METTL15: variants seen among roughly 807,000 people sequenced by gnomAD.
The protein encoded by METTL15 is 12S rRNA N(4)-cytidine methyltransferase METTL15.
Under a neutral mutation model 38.3 loss-of-function variants are expected in METTL15, and 34 were observed. The observed-to-expected ratio is 0.89, with a 90% CI of 0.68 to 1.18. The LOEUF is 1.18. Ranked by LOEUF, METTL15 falls within the 50% of genes most tolerant of loss-of-function variation. The pLI is 0.00. For synonymous variants in METTL15, 162 were observed against 170.9 expected (o/e 0.95, Z 0.41); for missense variants, 438 against 498.4 (o/e 0.88, Z 1.15).
At chr11:28,483,335 T>G (rs1405185781) in intron 6 of METTL15, among the ~76,000 whole-genome samples, 1 of 152,206 alleles carries the variant, frequency 6.6e-6, no homozygotes, top group African/African-American at 2.4e-5. Flanking sequence ...TTGATGTTCA[T>G]AGCTCCATCT....
At chr11:28,298,825 G>A (rs1856823223) in intron 6 of METTL15, among the ~76,000 whole-genome samples, 1 of 151,932 alleles carries the variant, frequency 6.6e-6, no homozygotes, top group South Asian at 2.1e-4. Context: ...ATGATAATAT[G>A]AATTTTTAGA....
intron 3 of METTL15, among the ~76,000 whole-genome samples, chr11:28,131,755 A>G (rs1030519121): frequency 3.9e-5 from 6 of 152,164 alleles, no homozygotes; most frequent in Non-Finnish European, 8.8e-5. Flanking sequence ...CCTTTGGCCA[A>G]CTTTAACAGT....
chr11:28,315,498 A>C lies in METTL15; in HGVS notation c.779-14898A>C, dbSNP rs149212367. Among the ~76,000 whole-genome samples the C allele has an allele frequency of 2.5e-3, 376 of 152,354 alleles. 8 individuals are homozygous for C. Among genetic ancestry groups the C allele is most frequent in the Admixed American group, 0.023 (347 of 15,304 alleles). On this transcript the variant is annotated intron_variant, in intron 6 of 6. Transcript: ENST00000407364. ...TTCAGTTTTATAAGAGAAGCAGAGC[A>C]TAAAAGTTTGGATAATTTGCAGCCT...
chr11:28,266,858 T>C (rs1023253701), intron 4 of METTL15, among the ~76,000 whole-genome samples: 2 of 152,110 alleles, frequency 1.3e-5, no homozygotes, highest in African/African-American at 4.8e-5. Flanking sequence ...TGGTAACTGT[T>C]TTACAAAGAA....
intron 5 of METTL15, among the ~76,000 whole-genome samples, chr11:28,372,620 CT>C (rs1260914634): frequency 1.3e-5 from 2 of 148,822 alleles, no homozygotes; most frequent in East Asian, 2.0e-4. Context: ...TTTTTTTTTC[CT>C]TTTTTTTATT....
At chr11:28,218,457 G>C (rs1163549228) in intron 4 of METTL15, among the ~76,000 whole-genome samples, 2 of 152,052 alleles carry the variant, frequency 1.3e-5, no homozygotes, top group Non-Finnish European at 2.9e-5. Context: ...AGAGATTTTG[G>C]GCTGAGACGA....
downstream of METTL15, among the ~76,000 whole-genome samples, chr11:28,531,286 A>G (rs1430920187): frequency 6.6e-6 from 1 of 152,078 alleles, no homozygotes; most frequent in African/African-American, 2.4e-5. Flanking sequence ...TATATTTTCT[A>G]CACTATCTTT....
At chr11:28,234,437 C>T (rs1275648724) in intron 4 of METTL15, among the ~76,000 whole-genome samples, 2 of 151,078 alleles carry the variant, frequency 1.3e-5, no homozygotes, top group South Asian at 2.1e-4. Flanking sequence ...TAAAAGTGTT[C>T]CTATTTCTCC....
At chr11:28,111,967 C>T (rs1851738073) in intron 2 of METTL15, among the ~76,000 whole-genome samples, 1 of 152,120 alleles carries the variant, frequency 6.6e-6, no homozygotes, top group Admixed American at 6.5e-5. Flanking sequence ...TTCCCCCCCC[C>T]ACCGACATTT....
intron 6 of METTL15, among the ~76,000 whole-genome samples, chr11:28,326,541 A>G (rs1174047310): frequency 4.0e-5 from 6 of 151,826 alleles, no homozygotes; most frequent in Non-Finnish European, 7.4e-5. Flanking sequence ...TTTTGTTCTT[A>G]CTACTTTAAT....
chr11:28,373,555 C>G (rs868758413), intron 5 of METTL15, among the ~76,000 whole-genome samples: 31 of 152,080 alleles, frequency 2.0e-4, no homozygotes, highest in Middle Eastern at 3.2e-3. Flanking sequence ...AATTTTCTCC[C>G]ATTTTGTAGG....
At chr11:28,202,622 T>C (rs894005236) in intron 3 of METTL15, among the ~76,000 whole-genome samples, 10 of 152,090 alleles carry the variant, frequency 6.6e-5, no homozygotes, top group Non-Finnish European at 1.3e-4. Flanking sequence ...AAAAAAAATC[T>C]ATATAGTTCA....
At chr11:28,518,311 T>C (rs1851736267) in intron 6 of METTL15, among the ~76,000 whole-genome samples, 1 of 152,206 alleles carries the variant, frequency 6.6e-6, no homozygotes, top group South Asian at 2.1e-4. Context: ...GTTGTTATCA[T>C]GGTCCATGAA....
In METTL15 at chr11:28,372,720, T is replaced by C. The variant is rs185841304; in HGVS notation, c.*358+10684T>C. ...TGCCATGCTGGTGTGCTGCACCCAC[T>C]AACTAGTCATCTAGCATTAGGTATA... On this transcript the variant is annotated intron_variant and NMD_transcript_variant, in intron 5 of 7. Coordinates refer to the METTL15 transcript ENST00000532947. 3.0e-3 allele frequency among the ~76,000 whole-genome samples: 452 copies of C among 151,058 alleles called. 5 individuals carry two copies. The highest frequency in any genetic ancestry group is 0.011 in the African/African-American group (436 of 41,180).
intron 6 of METTL15, among the ~76,000 whole-genome samples, chr11:28,458,846 A>G (rs1242184331): frequency 2.0e-5 from 3 of 152,180 alleles, no homozygotes; most frequent in Non-Finnish European, 4.4e-5. Context: ...ATTATTGTTG[A>G]AGAAAGGAAG....
At chr11:28,169,605 T>C (rs1029652818) in intron 3 of METTL15, among the ~76,000 whole-genome samples, 37 of 152,238 alleles carry the variant, frequency 2.4e-4, no homozygotes, top group African/African-American at 8.2e-4. Context: ...ATGAACACTA[T>C]TTTTTAACAT....
chr11:28,407,377 C>T (rs963362721), intron 5 of METTL15, among the ~76,000 whole-genome samples: 1 of 152,094 alleles, frequency 6.6e-6, no homozygotes, highest in Non-Finnish European at 1.5e-5. Context: ...GAATGGACAA[C>T]CTGTGGAATG....
chr11:28,319,963 C>G (rs1283591293), intron 6 of METTL15, among the ~76,000 whole-genome samples: 1 of 152,192 alleles, frequency 6.6e-6, no homozygotes, highest in Admixed American at 6.5e-5. Flanking sequence ...CTTTCTTCTT[C>G]ACTCTCATAT....
At chr11:28,234,310 G>T (rs1853835277) in intron 4 of METTL15, among the ~76,000 whole-genome samples, 2 of 151,672 alleles carry the variant, frequency 1.3e-5, no homozygotes, top group Admixed American at 6.6e-5. Flanking sequence ...AGTCCTTTGG[G>T]TATATACCCA....
Sources: allele counts gnomAD v4.1 joint callset (sites outside exome capture counted in the v4.1 genomes callset), GRCh38; gene constraint gnomAD v4.1.1; transcripts MANE v1.5; gene names NCBI Gene and HGNC (gene_info 2026-07-23, HGNC 2026-07-21).